LRP2: variants seen among roughly 807,000 people sequenced by gnomAD.
LRP2 encodes the protein low-density lipoprotein receptor-related protein 2.
In LRP2, 172 loss-of-function variants were observed where a neutral mutation model predicts 531.0. The ratio of observed to expected loss-of-function variants is 0.32; its 90% CI spans 0.29 to 0.37. The LOEUF is 0.37. LRP2 is among the 10% of genes least tolerant of loss of function. The pLI, the probability that LRP2 is intolerant of heterozygous loss-of-function variation, is 1.00. For synonymous variants in LRP2, 1,992 were observed against 2,027.6 expected (o/e 0.98, Z 0.47); for missense variants, 5,167 against 5,868.3 (o/e 0.88, Z 3.90).
At chr2:169,145,950 A>G in intron 69 of LRP2, 27 bp from the exon 70 acceptor site, 1 of 1,612,164 alleles carries the variant, frequency 6.2e-7, no homozygotes, top group Non-Finnish European at 8.5e-7. Context: ...GAAAAACAAA[A>G]CAGAAGGTTA....
intron 38 of LRP2, among the ~76,000 whole-genome samples, chr2:169,207,967 T>A (rs1189903648): frequency 6.6e-6 from 1 of 152,236 alleles, no homozygotes; most frequent in Non-Finnish European, 1.5e-5. Context: ...CTATATCTGA[T>A]TCAAACCACC....
intron 75 of LRP2, among the ~76,000 whole-genome samples, 200 bp from the exon 76 acceptor site, chr2:169,137,693 T>C (rs1685569262): frequency 7.5e-6 from 1 of 133,860 alleles, no homozygotes; most frequent in Non-Finnish European, 1.6e-5. Context: ...AAGACCTCCA[T>C]ATGGCAAATT....
In LRP2 at chr2:169,333,614, T is replaced by G. The variant is rs527963029; in HGVS notation, c.80-12730A>C. On this transcript the variant is annotated intron_variant, in intron 1 of 78. Coordinates refer to ENST00000649046, the MANE Select transcript of LRP2 (RefSeq NM_004525.3). ...TAAGCAATTTGCTAATATAGCATAATCATGATTTTAATTTCCCTATAGAGA... is the reference window on the plus strand; with the variant it reads ...TAAGCAATTTGCTAATATAGCATAAGCATGATTTTAATTTCCCTATAGAGA... 1.2e-4 allele frequency among the ~76,000 whole-genome samples: 18 copies of G among 152,330 alleles called. No homozygotes were observed. In the South Asian group the frequency reaches 1.7e-3, roughly 14 times the overall value.
intron 16 of LRP2, among the ~76,000 whole-genome samples, chr2:169,263,292 A>G (rs1419625284): frequency 6.6e-6 from 1 of 152,208 alleles, no homozygotes; most frequent in Admixed American, 6.5e-5. Context: ...AGAAACTACC[A>G]TCACAGTGAA....
intron 72 of LRP2, 74 bp downstream of exon 72, chr2:169,140,381 C>T (rs980310517): frequency 8.5e-7 from 1 of 1,171,980 alleles, no homozygotes; most frequent in East Asian, 2.3e-5. Flanking sequence ...ATTTGTTTTC[C>T]TGGCTACTTT....
intron 29 of LRP2, among the ~76,000 whole-genome samples, chr2:169,234,557 G>T (rs950391496): frequency 6.6e-6 from 1 of 152,138 alleles, no homozygotes; most frequent in Non-Finnish European, 1.5e-5. Context: ...CCAAGTCTTT[G>T]CTATTGTAAA....
At chr2:169,317,796 G>T (rs1684803786) in intron 3 of LRP2, among the ~76,000 whole-genome samples, 1 of 133,970 alleles carries the variant, frequency 7.5e-6, no homozygotes, top group South Asian at 2.2e-4. Flanking sequence ...TTATTTTCAG[G>T]CCAGTCATGG....
At chr2:169,137,242 T>C (rs1574061814) in intron 76 of LRP2, 150 bp downstream of exon 76, 5 of 715,474 alleles carry the variant, frequency 7.0e-6, no homozygotes, top group East Asian at 5.2e-5. Context: ...GGGTTGGTCC[T>C]GTTCCTGCAG....
At chr2:169,348,801 G>A (rs920491710) in intron 1 of LRP2, among the ~76,000 whole-genome samples, 6 of 152,158 alleles carry the variant, frequency 3.9e-5, no homozygotes, top group African/African-American at 9.6e-5. Flanking sequence ...CCAGCAGGGC[G>A]GGAGTGGGAG....
intron 76 of LRP2, among the ~76,000 whole-genome samples, chr2:169,133,406 T>C (rs1301571118): frequency 6.6e-6 from 1 of 152,230 alleles, no homozygotes; most frequent in Non-Finnish European, 1.5e-5. Flanking sequence ...TTATTTTAAG[T>C]GAAGATGTCA....
At chr2:169,318,067 A>G (rs1305452647) in intron 3 of LRP2, among the ~76,000 whole-genome samples, 1 of 152,118 alleles carries the variant, frequency 6.6e-6, no homozygotes, top group African/African-American at 2.4e-5. Flanking sequence ...AGAGAGTGAG[A>G]CCCTGACTCT....
At chr2:169,289,273 C>A in intron 8 of LRP2, 128 bp from the exon 9 acceptor site, 1 of 1,205,562 alleles carries the variant, frequency 8.3e-7, no homozygotes, top group Non-Finnish European at 1.2e-6. Context: ...AAATCTGTCA[C>A]CCTTCAAAGC....
At chr2:169,273,123 G>A in intron 14 of LRP2, 56 bp from the exon 15 acceptor site, 1 of 1,601,386 alleles carries the variant, frequency 6.2e-7, no homozygotes. Flanking sequence ...AATTATCCAA[G>A]ACATGAAGCC....
intron 35 of LRP2, among the ~76,000 whole-genome samples, chr2:169,214,439 T>C (rs958639523): frequency 2.6e-5 from 4 of 152,162 alleles, no homozygotes; most frequent in African/African-American, 9.7e-5. Flanking sequence ...GTCAGCTTCT[T>C]CTGGAAGAAA....
Position 169,277,791 on chromosome 2 carries a change from A to T in LRP2, c.1726T>A (p.Ser576Thr). 1 of 1,614,150 alleles carries T rather than the reference A, an allele frequency of 6.2e-7. No individual in the cohort carries two copies. The highest frequency in any genetic ancestry group is 8.5e-7 in the Non-Finnish European group (1 of 1,180,012). The change falls in exon 13 of 79, where the codon TCT (serine) becomes ACT (threonine). Residue 576 changes from serine to threonine, a missense_variant. Coordinates refer to ENST00000649046, the MANE Select transcript of LRP2 (RefSeq NM_004525.3). ...ACAGTTTCAATGTAATCAAACCGAG[A>T]GTCAACCCAGTAAACACGCTTCGAT... ...MISKRVYWVD[S>T]RFDYIETVTY...
intron 21 of LRP2, among the ~76,000 whole-genome samples, chr2:169,246,404 T>G (rs1278219672): frequency 6.6e-6 from 1 of 152,128 alleles, no homozygotes; most frequent in African/African-American, 2.4e-5. Flanking sequence ...TCAGATCTAG[T>G]TTATTTCGAT....
rs36082715 is a variant in LRP2, at chr2:169,256,150, T to C, written c.2726A>G (p.His909Arg). 2.7e-3 allele frequency: 4,317 copies of C among 1,613,062 alleles called. 80 individuals carry two copies. The African/African-American group carries it at 0.047, about 18-fold the overall frequency. The change falls in exon 19 of 79, where the codon CAT (histidine) becomes CGT (arginine). Residue 909 changes from histidine (H) to arginine (R), a missense_variant. By Grantham distance (29) the His-to-Arg change is conservative. This residue lies in a region of LRP2 where 2,811 missense variants were observed against 3,058.0 expected (regional missense o/e 0.92). Transcript: ENST00000649046. ...FDGLDRRRLG[H>R]IEQMTHPFGL... is the part of the protein sequence containing the mutation. ...AAACGGATGTGTCATCTGCTCTATA[T>C]GGCCCAGTCTTCTTCTGTCTAAACC...
At chr2:169,248,014 A>C (rs1690080425) in intron 19 of LRP2, among the ~76,000 whole-genome samples, 1 of 152,148 alleles carries the variant, frequency 6.6e-6, no homozygotes. Flanking sequence ...TTTTCCCTTG[A>C]CTTAAATAAG....
chr2:169,162,920 C>T (rs1686643474), intron 62 of LRP2, among the ~76,000 whole-genome samples: 1 of 152,236 alleles, frequency 6.6e-6, no homozygotes, highest in African/African-American at 2.4e-5. Context: ...GTGAAACCAG[C>T]GTTGGCCTTT....
Sources: gnomAD v4.1 joint callset for allele counts (sites outside exome capture counted in the v4.1 genomes callset) on GRCh38, gnomAD v4.1.1 for gene constraint, gnomAD v4.1.1 regional missense constraint, MANE v1.5 for transcripts, NCBI Gene and HGNC (gene_info 2026-07-23, HGNC 2026-07-21) for gene names.